FBXO28: variants seen among roughly 807,000 people sequenced by gnomAD.
FBXO28 encodes the protein F-box protein 28.
Under a neutral mutation model 38.1 loss-of-function variants are expected in FBXO28, and 8 were observed. The observed-to-expected ratio is 0.21, with a 90% CI of 0.12 to 0.38. FBXO28 has a LOEUF of 0.38. Ranked by LOEUF, FBXO28 falls within the 10% of genes least tolerant of loss-of-function variation. The pLI is 1.00. For synonymous variants in FBXO28, 168 were observed against 173.8 expected (o/e 0.97, Z 0.26); for missense variants, 345 against 460.6 (o/e 0.75, Z 2.30).
chr1:224,118,230 C>T (rs901895070), intron 1 of FBXO28, among the ~76,000 whole-genome samples: 7 of 151,628 alleles, frequency 4.6e-5, no homozygotes, highest in African/African-American at 7.3e-5. Flanking sequence ...GGATTACAGA[C>T]GTGAGCCACT....
chr1:224,136,461 C>T (rs1458835585), intron 3 of FBXO28, among the ~76,000 whole-genome samples: 7 of 151,940 alleles, frequency 4.6e-5, no homozygotes, highest in African/African-American at 1.7e-4. Flanking sequence ...CGGTAGCTCA[C>T]ACCTGTAATC....
In FBXO28 at chr1:224,130,926, T is replaced by C. The variant is rs138758922; in HGVS notation, c.377+345T>C. 6 of 172,914 alleles carry C rather than the reference T, an allele frequency of 3.5e-5. No individual in the cohort carries two copies. The East Asian group carries it at 9.5e-4, about 27-fold the overall frequency. The allele number at this position is 172,914 out of a possible 1,614,324, so 10.7% of individuals were successfully genotyped here. On this transcript the variant is annotated intron_variant, in intron 2 of 4. Coordinates refer to ENST00000366862, the MANE Select transcript of FBXO28 (RefSeq NM_015176.4). ...AAACCAGTTCAGCAAGGATATGGGA[T>C]ATAAGAATAATATACAGAAACCAAT... is the stretch of plus-strand genomic sequence containing the variant.
intron 3 of FBXO28, among the ~76,000 whole-genome samples, chr1:224,148,322 A>G (rs1173083445): frequency 6.6e-6 from 1 of 152,212 alleles, no homozygotes; most frequent in East Asian, 1.9e-4. Context: ...ATTCTGAAGA[A>G]TAAGTATCAT....
intron 3 of FBXO28, among the ~76,000 whole-genome samples, chr1:224,150,378 G>A (rs943101106): frequency 7.9e-5 from 12 of 151,950 alleles, no homozygotes; most frequent in African/African-American, 2.2e-4. Context: ...GTAAAACGTT[G>A]ATAAACACAA....
intron 3 of FBXO28, among the ~76,000 whole-genome samples, chr1:224,136,110 T>TTTTTG (rs1184271691): frequency 7.7e-6 from 1 of 130,614 alleles, no homozygotes; most frequent in Admixed American, 7.8e-5. Context: ...AGTTTTTTTT[T>TTTTTG]TTTTTTTTTT....
At chr1:224,145,600 A>G (rs1398444935) in intron 3 of FBXO28, among the ~76,000 whole-genome samples, 1 of 152,146 alleles carries the variant, frequency 6.6e-6, no homozygotes, top group African/African-American at 2.4e-5. Flanking sequence ...GATGCAGCAC[A>G]TAACCGTATT....
intron 3 of FBXO28, among the ~76,000 whole-genome samples, chr1:224,144,675 T>C (rs1199313625): frequency 6.6e-6 from 1 of 151,256 alleles, no homozygotes; most frequent in East Asian, 2.0e-4. Flanking sequence ...GGAGACTCAC[T>C]TGATCTGGGA....
rs183565774 is a variant in FBXO28 at position 224,151,819 on chromosome 1, G to C, written c.517-1323G>C. ...GCACTTTGGGAGGCCAAGGAGGGTG[G>C]ATCACCTAAAGTTAGGAGTTCAAGA... On this transcript the variant is annotated intron_variant, in intron 3 of 4. Coordinates refer to ENST00000366862, the MANE Select transcript of FBXO28 (RefSeq NM_015176.4). Among the ~76,000 whole-genome samples the C allele has an allele frequency of 1.1e-3, 173 of 152,224 alleles. 1 individual carries two copies. Among genetic ancestry groups the C allele is most frequent in the Admixed American group, 0.011 (161 of 15,284 alleles).
chr1:224,125,518 G>T (rs890300112), intron 1 of FBXO28, among the ~76,000 whole-genome samples: 1 of 151,918 alleles, frequency 6.6e-6, no homozygotes, highest in African/African-American at 2.4e-5. Context: ...GTATGATAGC[G>T]CTTGCAGAAA....
intron 1 of FBXO28, among the ~76,000 whole-genome samples, chr1:224,118,798 C>A (rs1656704025): frequency 6.6e-6 from 1 of 152,124 alleles, no homozygotes; most frequent in Non-Finnish European, 1.5e-5. Context: ...CTGAAGACAC[C>A]TTTACACTTT....
At chr1:224,144,226 G>T (rs556933657) in intron 3 of FBXO28, among the ~76,000 whole-genome samples, 1 of 151,406 alleles carries the variant, frequency 6.6e-6, no homozygotes, top group Admixed American at 6.6e-5. Context: ...CACTTTGGGA[G>T]GCCAAGATAG....
At chr1:224,151,890 A>G (rs551750226) in intron 3 of FBXO28, among the ~76,000 whole-genome samples, 7 of 152,242 alleles carry the variant, frequency 4.6e-5, no homozygotes, top group African/African-American at 1.2e-4. Flanking sequence ...TAAAAATACA[A>G]AATTAGCCAG....
intron 3 of FBXO28, among the ~76,000 whole-genome samples, chr1:224,142,912 C>T (rs1657395609): frequency 1.3e-5 from 2 of 152,188 alleles, no homozygotes; most frequent in South Asian, 4.2e-4. Flanking sequence ...TGCCACTGAA[C>T]TCCAGCCTGG....
intron 3 of FBXO28, among the ~76,000 whole-genome samples, chr1:224,146,630 GC>G (rs1657512589): frequency 6.6e-6 from 1 of 151,560 alleles, no homozygotes; most frequent in South Asian, 2.1e-4. Flanking sequence ...GCCTCCCTTG[GC>G]CTCTCAAAGT....
At chr1:224,153,375 G>A (rs770721239) in intron 4 of FBXO28, 38 bp downstream of exon 4, 3 of 1,469,644 alleles carry the variant, frequency 2.0e-6, no homozygotes, top group Non-Finnish European at 2.7e-6. Context: ...ACATAATTTT[G>A]TAACTTGCTT....
At chr1:224,115,250 TG>T (rs1326901157) in intron 1 of FBXO28, among the ~76,000 whole-genome samples, 4 of 152,248 alleles carry the variant, frequency 2.6e-5, no homozygotes, top group African/African-American at 9.6e-5. Context: ...ATGTGGTGAT[TG>T]TTAGTTCAGT....
intron 3 of FBXO28, among the ~76,000 whole-genome samples, chr1:224,134,563 G>A (rs1657131730): frequency 6.6e-6 from 1 of 152,080 alleles, no homozygotes; most frequent in South Asian, 2.1e-4. Flanking sequence ...ATTTTGGGGA[G>A]GTAGAAAAGG....
chr1:224,160,299 G>A lies in FBXO28; in HGVS notation c.*2553G>A, dbSNP rs554773518. ...CATTCTGCCCTGCATTTTAAGTCAG[G>A]TATTTAAATACTGCGTGTTGTTAAT... On this transcript the variant is annotated 3_prime_UTR_variant, in exon 5 of 5. Coordinates refer to ENST00000366862, the MANE Select transcript of FBXO28 (RefSeq NM_015176.4). The A allele has an allele frequency of 1.4e-3, 214 of 152,270 alleles. No homozygotes were observed. Among genetic ancestry groups the A allele is most frequent in the African/African-American group, 5.0e-3 (208 of 41,550 alleles). 9.4% of individuals were successfully genotyped at this position (152,270 alleles called of 1,614,324 possible). A position where few individuals can be genotyped will look rare whatever the true frequency, so the allele number is the denominator to read the frequency against.
intron 3 of FBXO28, among the ~76,000 whole-genome samples, chr1:224,147,675 C>A (rs1223438775): frequency 6.6e-6 from 1 of 151,932 alleles, no homozygotes; most frequent in Non-Finnish European, 1.5e-5. Flanking sequence ...GACTATTTTA[C>A]TTCTTACAGC....
Sources: gnomAD v4.1 joint callset for allele counts (sites outside exome capture counted in the v4.1 genomes callset) on GRCh38, gnomAD v4.1.1 for gene constraint, MANE v1.5 for transcripts, NCBI Gene and HGNC (gene_info 2026-07-23, HGNC 2026-07-21) for gene names.